The following RGS3 variants were observed in gnomAD, a reference collection of about 807,000 sequenced individuals.
The protein encoded by RGS3 is regulator of G protein signaling 3.
A neutral mutation model predicts 132.6 loss-of-function variants in RGS3; 80 were observed. The ratio of observed to expected loss-of-function variants is 0.60; its 90% CI spans 0.50 to 0.73. RGS3 has a LOEUF of 0.73. Among genes scored for constraint, RGS3 ranks in the 30% least tolerant of loss-of-function variants. RGS3 has a pLI of 0.00. For synonymous variants in RGS3, 598 were observed against 620.6 expected (o/e 0.96, Z 0.54); for missense variants, 1,382 against 1,530.8 (o/e 0.90, Z 1.62).
exon 20 of RGS3, chr9:113,583,530 C>G: frequency 1.2e-6 from 2 of 1,614,230 alleles, no homozygotes; most frequent in African/African-American, 1.3e-5. Flanking sequence ...ATTCCCCACC[C>G]AGCAAGGAGC....
intron 19 of RGS3, among the ~76,000 whole-genome samples, chr9:113,562,649 C>T (rs932091080): frequency 2.0e-5 from 3 of 152,090 alleles, no homozygotes; most frequent in Non-Finnish European, 2.9e-5. Flanking sequence ...CCTGAGTACC[C>T]GGGTGCTGAC....
chr9:113,514,883 G>A (rs1831575450), intron 15 of RGS3, among the ~76,000 whole-genome samples: 1 of 152,132 alleles, frequency 6.6e-6, no homozygotes, highest in South Asian at 2.1e-4. Context: ...TAAGGAAAGG[G>A]TCCTCTCCTT....
At chr9:113,493,054 A>G (rs1012439602) in intron 7 of RGS3, among the ~76,000 whole-genome samples, 1 of 152,254 alleles carries the variant, frequency 6.6e-6, no homozygotes, top group African/African-American at 2.4e-5. Flanking sequence ...ACAGAGTAGT[A>G]TGGGCACCTG....
intron 16 of RGS3, among the ~76,000 whole-genome samples, chr9:113,521,039 A>G (rs891727618): frequency 1.3e-5 from 2 of 152,102 alleles, no homozygotes; most frequent in Admixed American, 1.3e-4. Context: ...TCATCTGTAA[A>G]TGAGGGCAGT....
intron 14 of RGS3, among the ~76,000 whole-genome samples, chr9:113,510,486 G>T (rs1232872338): frequency 6.6e-6 from 1 of 152,238 alleles, no homozygotes; most frequent in Non-Finnish European, 1.5e-5. Flanking sequence ...GACTGAAGGA[G>T]AACGACTTGG....
rs1012366180 is a variant in RGS3, at chr9:113,537,616, T to C, written c.2037+698T>C. Among the ~76,000 whole-genome samples the C allele has an allele frequency of 1.3e-5, 2 of 152,218 alleles. No homozygotes were observed. The highest frequency in any genetic ancestry group is 2.9e-5 in the Non-Finnish European group (2 of 68,032). Reference sequence around the variant, plus strand: ...GAGTCATTCAGGTCCCTTCTTTTGCTAAAAGTGCTGGCCATTTGGGAATTG... The same window carrying C: ...GAGTCATTCAGGTCCCTTCTTTTGCCAAAAGTGCTGGCCATTTGGGAATTG... On this transcript the variant is annotated intron_variant, in intron 19 of 24. Coordinates refer to ENST00000350696, the Ensembl canonical transcript of RGS3. This position sits in a 1 kb window ranked among gnomAD's most constrained non-coding sequence, Gnocchi z 4.3.
At chr9:113,504,621 G>A (rs185420447) in intron 10 of RGS3, among the ~76,000 whole-genome samples, 63 of 152,330 alleles carry the variant, frequency 4.1e-4, no homozygotes, top group Non-Finnish European at 8.1e-4. Context: ...GCTCCTCTGG[G>A]AACCAGAGAC....
intron 13 of RGS3, among the ~76,000 whole-genome samples, chr9:113,508,328 C>T (rs931060427): frequency 2.6e-5 from 4 of 152,212 alleles, no homozygotes; most frequent in African/African-American, 4.8e-5. Flanking sequence ...GGTTAGGCTT[C>T]ATGACCCATA....
At position 113,537,692 on chromosome 9, in the gene RGS3, G is replaced by T. The variant is rs762128605; in HGVS notation, c.2037+774G>T. Among the ~76,000 whole-genome samples the T allele has an allele frequency of 3.3e-5, 5 of 152,210 alleles. No homozygotes were observed. The highest frequency in any genetic ancestry group is 7.3e-5 in the Non-Finnish European group (5 of 68,040). On this transcript the variant is annotated intron_variant, in intron 19 of 24. Coordinates refer to ENST00000350696, the Ensembl canonical transcript of RGS3. The surrounding 1 kb of genome is among the most constrained non-coding windows in gnomAD (Gnocchi z 4.3). ...GAGGTGGTTGCTCTGCTGGATCTGG[G>T]CGAAGAGGAGAGATGAAAGAAAGCT...
intron 18 of RGS3, among the ~76,000 whole-genome samples, chr9:113,532,689 A>G (rs1040883457): frequency 2.6e-5 from 4 of 152,202 alleles, no homozygotes; most frequent in Admixed American, 6.5e-5. Flanking sequence ...ATGTCGAGGT[A>G]TCACTGGTAA....
At chr9:113,581,134 G>A in intron 19 of RGS3, 1 of 312,810 alleles carries the variant, frequency 3.2e-6, no homozygotes, top group Non-Finnish European at 4.7e-6. Context: ...CTCCCTGGTG[G>A]GTGGGGCGAT....
chr9:113,518,999 C>A (rs139567260), intron 16 of RGS3, among the ~76,000 whole-genome samples: 2 of 152,288 alleles, frequency 1.3e-5, no homozygotes, highest in African/African-American at 4.8e-5. Flanking sequence ...TAAATTCACT[C>A]TTCTGTTTGT....
chr9:113,501,733 TTTC>T, intron 10 of RGS3: 1 of 1,232,416 alleles, frequency 8.1e-7, no homozygotes, highest in Non-Finnish European at 1.1e-6. Context: ...TTCTTTGACC[TTTC>T]CTGCTCCCTG....
rs751865549 is a variant in RGS3 at position 113,537,665 on chromosome 9, C to G, written c.2037+747C>G. ...TGGGTCTGGTTGGCTGCAAAAGTTG[C>G]TGAGGTGGTTGCTCTGCTGGATCTG... On this transcript the variant is annotated intron_variant, in intron 19 of 24. Transcript: ENST00000350696. The surrounding 1 kb of genome is among the most constrained non-coding windows in gnomAD (Gnocchi z 4.3). 6.6e-6 allele frequency among the ~76,000 whole-genome samples: 1 copy of G among 152,206 alleles called. No individual in the cohort carries two copies. The highest frequency in any genetic ancestry group is 1.5e-5 in the Non-Finnish European group (1 of 68,036).
At chr9:113,518,109 A>T (rs1389894142) in intron 16 of RGS3, among the ~76,000 whole-genome samples, 2 of 152,028 alleles carry the variant, frequency 1.3e-5, no homozygotes, top group African/African-American at 4.8e-5. Flanking sequence ...CTGACATGGG[A>T]CCTGTGTCAC....
At chr9:113,557,499 G>GA (rs1833616732) in intron 19 of RGS3, among the ~76,000 whole-genome samples, 1 of 152,250 alleles carries the variant, frequency 6.6e-6, no homozygotes, top group African/African-American at 2.4e-5. Context: ...CCTCTCCCTG[G>GA]AGTGGGAGAT....
chr9:113,566,695 C>T (rs1485074261), intron 19 of RGS3, among the ~76,000 whole-genome samples: 1 of 152,242 alleles, frequency 6.6e-6, no homozygotes, highest in Non-Finnish European at 1.5e-5. Context: ...GCTTGGTACA[C>T]CAGGCCCCAC....
chr9:113,543,002 C>G (rs1326641896), intron 19 of RGS3, among the ~76,000 whole-genome samples: 1 of 152,212 alleles, frequency 6.6e-6, no homozygotes, highest in Non-Finnish European at 1.5e-5. Flanking sequence ...CACTCACTGC[C>G]TGCTGCACCT....
At chr9:113,486,747 C>T (rs1830344466) in intron 7 of RGS3, among the ~76,000 whole-genome samples, 1 of 152,168 alleles carries the variant, frequency 6.6e-6, no homozygotes, top group Admixed American at 6.5e-5. Flanking sequence ...TTTTTGGGTT[C>T]AATGCTCTTT....
Sources: gnomAD v4.1 joint callset for allele counts (sites outside exome capture counted in the v4.1 genomes callset) on GRCh38, gnomAD v4.1.1 for gene constraint, Gnocchi (gnomAD v3.1) non-coding constraint, MANE v1.5 for transcripts, NCBI Gene and HGNC (gene_info 2026-07-23, HGNC 2026-07-21) for gene names.